SIM1: variants seen among roughly 807,000 people sequenced by gnomAD.
SIM1 encodes the protein SIM bHLH transcription factor 1, also known as single-minded homolog 1.
A neutral mutation model predicts 78.2 loss-of-function variants in SIM1; 18 were observed. The ratio of observed to expected loss-of-function variants is 0.23; its 90% confidence interval spans 0.16 to 0.34. The LOEUF (loss-of-function observed/expected upper bound fraction) is 0.34, where lower values mean the gene tolerates loss of function less well. SIM1 is among the 10% of genes least tolerant of loss of function. The pLI, the probability that SIM1 is intolerant of heterozygous loss-of-function variation, is 1.00. For missense variants in SIM1, 939 were observed against 975.1 expected (o/e 0.96, Z 0.49); for synonymous variants, 417 against 385.2 (o/e 1.08, Z -0.97).
At chr6:100,457,547 T>G (rs912606741) in intron 2 of SIM1, among the ~76,000 whole-genome samples, 1 of 152,198 alleles carries the variant, frequency 6.6e-6, no homozygotes, top group Non-Finnish European at 1.5e-5. Flanking sequence ...CCTCGCTAAA[T>G]GTGTACTGTG....
At chr6:100,453,927 C>T (rs1772581223) in intron 2 of SIM1, 83 bp from the exon 3 acceptor site, 1 of 1,008,162 alleles carries the variant, frequency 9.9e-7, no homozygotes, top group Non-Finnish European at 1.5e-6. Context: ...ACTGTATTAC[C>T]CGAGTGCCGG....
intron 2 of SIM1, 139 bp from the exon 3 acceptor site, chr6:100,453,983 C>A (rs774359282): frequency 2.2e-5 from 12 of 537,496 alleles, no homozygotes; most frequent in Non-Finnish European, 2.9e-5. Context: ...AAGTGGACAG[C>A]GGGGGATGGG....
intron 5 of SIM1, 22 bp downstream of exon 5, chr6:100,449,569 C>A: frequency 6.2e-7 from 1 of 1,604,930 alleles, no homozygotes; most frequent in Non-Finnish European, 8.5e-7. Context: ...GCCTGAGCGT[C>A]GCAGGCATGT....
intron 3 of SIM1, among the ~76,000 whole-genome samples, chr6:100,453,467 T>C (rs755600026): frequency 6.6e-6 from 1 of 152,070 alleles, no homozygotes; most frequent in African/African-American, 2.4e-5. Flanking sequence ...TGGAGACAAA[T>C]GGTGCCCCCT....
Position 100,463,464 on chromosome 6 carries a change from T to C in SIM1, c.5A>G (p.Lys2Arg), listed in dbSNP as rs546525391. ...CCGCGCAGCATTTTTGGACTTTTCT[T>C]TCATTGTGTCTTGTTCCCCCTTTCT... M[K>R]EKSKNAARTR... Residue 2 changes from lysine (K) to arginine (R), a missense_variant, in exon 2 of 12, where the codon AAA becomes AGA. Physicochemically the swap from Lys to Arg is conservative, Grantham distance 26 (BLOSUM62 2). Coordinates refer to ENST00000369208, the MANE Select transcript of SIM1 (RefSeq NM_005068.3). 3 of 1,605,304 alleles carry C rather than the reference T, an allele frequency of 1.9e-6. No homozygotes were observed. Among genetic ancestry groups the C allele is most frequent in the East Asian group, 4.5e-5 (2 of 44,570 alleles).
chr6:100,406,706 C>T (rs1472162581), intron 10 of SIM1, among the ~76,000 whole-genome samples: 1 of 152,122 alleles, frequency 6.6e-6, no homozygotes, highest in East Asian at 1.9e-4. Flanking sequence ...GTATAATTGA[C>T]TACTAAATTG....
At chr6:100,397,654 A>G (rs892655236) in intron 10 of SIM1, among the ~76,000 whole-genome samples, 93 of 152,246 alleles carry the variant, frequency 6.1e-4, no homozygotes, top group African/African-American at 2.2e-3. Flanking sequence ...CACAATCCAT[A>G]AAAGAAAAAA....
chr6:100,453,936 G>C (rs1477401184), intron 2 of SIM1, 92 bp from the exon 3 acceptor site: 1 of 899,788 alleles, frequency 1.1e-6, no homozygotes, highest in Admixed American at 2.6e-5. Context: ...CCCGAGTGCC[G>C]GCCCCTTTGA....
chr6:100,450,230 A>G, intron 4 of SIM1, 37 bp downstream of exon 4: 1 of 1,570,474 alleles, frequency 6.4e-7, no homozygotes, highest in Non-Finnish European at 8.8e-7. Context: ...CTCTGGCTGT[A>G]AACACTGCAG....
intron 10 of SIM1, among the ~76,000 whole-genome samples, chr6:100,413,499 T>C (rs2114494649): frequency 6.6e-6 from 1 of 152,334 alleles, no homozygotes; most frequent in South Asian, 2.1e-4. Flanking sequence ...GTTCTTTTCT[T>C]ATTCAATAAT....
At chr6:100,458,564 G>T (rs1772748343) in intron 2 of SIM1, among the ~76,000 whole-genome samples, 1 of 152,238 alleles carries the variant, frequency 6.6e-6, no homozygotes, top group Admixed American at 6.5e-5. Context: ...TCTGATGAGG[G>T]CAGGGGGCGG....
rs534891881 is a variant in SIM1 at position 100,411,573 on chromosome 6, A to G, written c.1167+9217T>C. Among the ~76,000 whole-genome samples, 3 of 152,338 alleles carry G rather than the reference A, an allele frequency of 2.0e-5. No homozygotes were observed. In the South Asian group the frequency reaches 6.2e-4, roughly 32 times the overall value. On this transcript the variant is annotated intron_variant, in intron 10 of 11. Coordinates refer to ENST00000369208, the MANE Select transcript of SIM1 (RefSeq NM_005068.3). ...TGGGGTTTTTATATCTCCACAGACA[A>G]TTAACAAAGTGTCCGCACAATTTTT...
Position 100,390,208 on chromosome 6 carries a change from G to A in SIM1, c.*153C>T, listed in dbSNP as rs982718975. 1.6e-5 allele frequency: 13 copies of A among 824,648 alleles called. No individual in the cohort carries two copies. Among genetic ancestry groups the A allele is most frequent in the Non-Finnish European group, 2.2e-5 (12 of 536,834 alleles). The allele number at this position is 824,648 out of a possible 1,614,324, so 51.1% of individuals were successfully genotyped here. On this transcript the variant is annotated 3_prime_UTR_variant, in exon 12 of 12. Coordinates refer to ENST00000369208, the MANE Select transcript of SIM1 (RefSeq NM_005068.3). ...GTATAACCCTGAATGCTAGTGCTAT[G>A]TTTTCTTTGATTTTATAGGAACACG...
At chr6:100,395,675 C>T (rs1347679047) in intron 10 of SIM1, among the ~76,000 whole-genome samples, 1 of 152,118 alleles carries the variant, frequency 6.6e-6, no homozygotes, top group South Asian at 2.1e-4. Context: ...CCCTTGTCGC[C>T]CATGATGAGA....
rs927866346 is a variant in SIM1 at position 100,388,705 on chromosome 6, C to G, written c.*1656G>C. 1 of 152,086 alleles carries G rather than the reference C, an allele frequency of 6.6e-6. No homozygotes were observed. Among genetic ancestry groups the G allele is most frequent in the Admixed American group, 6.5e-5 (1 of 15,274 alleles). 9.4% of individuals were successfully genotyped at this position (152,086 alleles called of 1,614,324 possible). A position where few individuals can be genotyped will look rare whatever the true frequency, so the allele number is the denominator to read the frequency against. On this transcript the variant is annotated 3_prime_UTR_variant, in exon 12 of 12. Transcript: ENST00000369208. ...CAAGTTCTGCCAGTACATTCCCTTCCTTAAATATGGCAAGAGTTTTGGGCA... is the reference window on the plus strand; with the variant it reads ...CAAGTTCTGCCAGTACATTCCCTTCGTTAAATATGGCAAGAGTTTTGGGCA...
intron 10 of SIM1, among the ~76,000 whole-genome samples, chr6:100,404,383 G>C (rs1771002318): frequency 6.6e-6 from 1 of 152,154 alleles, no homozygotes; most frequent in African/African-American, 2.4e-5. Flanking sequence ...TATATAAAGA[G>C]ACCCTCTTCT....
intron 10 of SIM1, among the ~76,000 whole-genome samples, chr6:100,412,566 A>G (rs1302722324): frequency 2.2e-5 from 2 of 90,232 alleles, no homozygotes; most frequent in Admixed American, 1.2e-4. Context: ...AAAGAAAGAA[A>G]GAAAGAAAGA....
In SIM1 at chr6:100,389,729, T is replaced by C. The variant is rs1409751899; in HGVS notation, c.*632A>G. ...GTGAAAAATTACCTCTTCCTGATTG[T>C]TTATAATGGATACCAGGTGAAAACT... is the stretch of plus-strand genomic sequence containing the variant. On this transcript the variant is annotated 3_prime_UTR_variant, in exon 12 of 12. Transcript: ENST00000369208. 2.5e-6 allele frequency: 1 copy of C among 399,074 alleles called. No homozygotes were observed. Among genetic ancestry groups the C allele is most frequent in the Non-Finnish European group, 4.4e-6 (1 of 226,106 alleles). The allele number at this position is 399,074 out of a possible 1,614,324, so 24.7% of individuals were successfully genotyped here.
chr6:100,396,594 G>A (rs1770774854), intron 10 of SIM1, among the ~76,000 whole-genome samples: 1 of 152,098 alleles, frequency 6.6e-6, no homozygotes, highest in African/African-American at 2.4e-5. Context: ...GAAGTTGGGT[G>A]GTTCAGTTAG....
Sources: allele counts gnomAD v4.1 joint callset (sites outside exome capture counted in the v4.1 genomes callset), GRCh38; gene constraint gnomAD v4.1.1; transcripts MANE v1.5; gene names NCBI Gene and HGNC (gene_info 2026-07-23, HGNC 2026-07-21).